Variants in CIRSR observed in about 807,000 individuals in gnomAD.
The protein encoded by CIRSR is corepressor of RBPJ and splicing regulator, also known as CBF1 (RBPJ) interacting corepressor 1.
chr2:174,361,948 C>T, the CIRSR span, among the ~76,000 whole-genome samples: 1 of 151,694 alleles, frequency 6.6e-6, no homozygotes, highest in Non-Finnish European at 1.5e-5. Flanking sequence ...TGAAATTTAC[C>T]ATATTATCCT....
the CIRSR span, among the ~76,000 whole-genome samples, chr2:174,379,514 G>A: frequency 2.0e-5 from 3 of 152,114 alleles, no homozygotes; most frequent in South Asian, 6.2e-4. Context: ...AGCAGCCACA[G>A]CCAATAAGTA....
chr2:174,392,876 T>G, the CIRSR span, among the ~76,000 whole-genome samples: 1 of 152,094 alleles, frequency 6.6e-6, no homozygotes, highest in Non-Finnish European at 1.5e-5. Flanking sequence ...CACATCAAAG[T>G]TAAGAAGAGA....
the CIRSR span, chr2:174,379,141 T>A: frequency 1.2e-6 from 1 of 813,426 alleles, no homozygotes; most frequent in Non-Finnish European, 2.0e-6. Flanking sequence ...ATTACATTTT[T>A]AAAAGATCTC....
chr2:174,352,143 C>A, the CIRSR span, among the ~76,000 whole-genome samples: 1 of 152,000 alleles, frequency 6.6e-6, no homozygotes, highest in Non-Finnish European at 1.5e-5. Flanking sequence ...ATTTCCAATT[C>A]AAAATTCCTC....
the CIRSR span, among the ~76,000 whole-genome samples, chr2:174,382,531 C>T: frequency 1.7e-4 from 26 of 151,968 alleles, no homozygotes; most frequent in African/African-American, 4.8e-5. Flanking sequence ...CCCAGCTACT[C>T]GGGAGGCTGA....
At chr2:174,388,813 G>A in the CIRSR span, among the ~76,000 whole-genome samples, 1 of 152,110 alleles carries the variant, frequency 6.6e-6, no homozygotes, top group Admixed American at 6.5e-5. Flanking sequence ...ATCCCCATGT[G>A]TCATGGGAGG....
chr2:174,379,519 T>C, the CIRSR span, among the ~76,000 whole-genome samples: 1 of 152,124 alleles, frequency 6.6e-6, no homozygotes, highest in African/African-American at 2.4e-5. Context: ...CCACAGCCAA[T>C]AAGTAAATGA....
At chr2:174,381,649 T>A in the CIRSR span, 27 of 1,379,214 alleles carry the variant, frequency 2.0e-5, no homozygotes, top group Admixed American at 1.3e-4. Flanking sequence ...AGGGCAAGAC[T>A]GTGCCTCAGA....
chr2:174,386,989 TA>T, the CIRSR span, among the ~76,000 whole-genome samples: 1 of 152,192 alleles, frequency 6.6e-6, no homozygotes, highest in South Asian at 2.1e-4. Context: ...GAGTACTCAA[TA>T]AAAGTTACTA....
the CIRSR span, chr2:174,350,547 A>G: frequency 1.8e-6 from 1 of 552,636 alleles, no homozygotes; most frequent in Non-Finnish European, 3.0e-6. Flanking sequence ...TAATCAATAA[A>G]TGTGATGCAT....
the CIRSR span, among the ~76,000 whole-genome samples, chr2:174,384,359 G>C: frequency 6.6e-6 from 1 of 152,184 alleles, no homozygotes; most frequent in Admixed American, 6.5e-5. Flanking sequence ...GTTGCCAGGG[G>C]CTGTGGGCCA....
the CIRSR span, among the ~76,000 whole-genome samples, chr2:174,392,710 T>C: frequency 6.6e-6 from 1 of 152,156 alleles, no homozygotes; most frequent in Non-Finnish European, 1.5e-5. Context: ...GGCAACAGGA[T>C]GAGGGACTGT....
At chr2:174,377,910 C>T in the CIRSR span, among the ~76,000 whole-genome samples, 38 of 150,764 alleles carry the variant, frequency 2.5e-4, no homozygotes, top group Admixed American at 4.0e-4. Context: ...AACCCTATAG[C>T]CTGAATCAGC....
the CIRSR span, among the ~76,000 whole-genome samples, chr2:174,379,857 G>A: frequency 1.3e-5 from 2 of 151,510 alleles, no homozygotes; most frequent in East Asian, 3.9e-4. Flanking sequence ...CTGAGTAGCT[G>A]GGATTACAGG....
chr2:174,352,872 C>T, the CIRSR span, among the ~76,000 whole-genome samples: 1 of 152,174 alleles, frequency 6.6e-6, no homozygotes, highest in Non-Finnish European at 1.5e-5. Flanking sequence ...GAAAAATATT[C>T]AGAAATGAGT....
the CIRSR span, among the ~76,000 whole-genome samples, chr2:174,352,591 A>AT: frequency 4.6e-5 from 7 of 151,942 alleles, no homozygotes; most frequent in South Asian, 2.1e-4. Context: ...TAAATAAATA[A>AT]TTTTTTTTTA....
chr2:174,384,862 A>C, the CIRSR span, among the ~76,000 whole-genome samples: 2 of 152,260 alleles, frequency 1.3e-5, no homozygotes, highest in East Asian at 3.8e-4. Context: ...GAAAATTTAC[A>C]TAGATTTTTT....
chr2:174,352,866 A>G, the CIRSR span, among the ~76,000 whole-genome samples: 1 of 152,172 alleles, frequency 6.6e-6, no homozygotes, highest in African/African-American at 2.4e-5. Context: ...GGGATAGAAA[A>G]ATATTCAGAA....
At chr2:174,368,665 C>CAGAG in the CIRSR span, among the ~76,000 whole-genome samples, 1 of 152,150 alleles carries the variant, frequency 6.6e-6, no homozygotes, top group South Asian at 2.1e-4. Flanking sequence ...GCTCAGGCAA[C>CAGAG]AGAGACCCTG....
Sources: allele counts gnomAD v4.1 joint callset (sites outside exome capture counted in the v4.1 genomes callset), GRCh38; gene constraint gnomAD v4.1.1; transcripts MANE v1.5; gene names NCBI Gene and HGNC (gene_info 2026-07-23, HGNC 2026-07-21).